EML5: variants seen among roughly 807,000 people sequenced by gnomAD.
EML5 encodes the protein EMAP like 5.
A neutral mutation model predicts 250.0 loss-of-function variants in EML5; 120 were observed. That is an observed-to-expected ratio of 0.48 (90% CI 0.41 to 0.56). EML5 has a LOEUF of 0.56. EML5 is among the 20% of genes least tolerant of loss of function. The pLI is 0.00. For missense variants in EML5, 2,006 were observed against 2,437.6 expected (o/e 0.82, Z 3.73); for synonymous variants, 771 against 806.5 (o/e 0.96, Z 0.75).
chr14:88,740,703 A>G, intron 4 of EML5, 131 bp from the exon 5 acceptor site: 1 of 744,474 alleles, frequency 1.3e-6, no homozygotes, highest in Non-Finnish European at 2.1e-6. Context: ...ATGATAAAAT[A>G]GCATTCAATG....
At chr14:88,784,337 A>G (rs1476465143) in intron 1 of EML5, among the ~76,000 whole-genome samples, 1 of 152,156 alleles carries the variant, frequency 6.6e-6, no homozygotes, top group Admixed American at 6.5e-5. Context: ...CCAATACAAA[A>G]TTTCAAGGAA....
At chr14:88,654,016 G>T (rs985346205) in intron 27 of EML5, among the ~76,000 whole-genome samples, 1 of 151,836 alleles carries the variant, frequency 6.6e-6, no homozygotes, top group Non-Finnish European at 1.5e-5. Flanking sequence ...GTCTTGGGAG[G>T]GTGTATGTGT....
intron 29 of EML5, among the ~76,000 whole-genome samples, chr14:88,646,273 G>A (rs1403352216): frequency 6.6e-6 from 1 of 152,132 alleles, no homozygotes; most frequent in Non-Finnish European, 1.5e-5. Flanking sequence ...AGAAATGAAT[G>A]GGATGTTGAT....
At chr14:88,685,601 A>G (rs536420462) in intron 19 of EML5, among the ~76,000 whole-genome samples, 44 of 152,080 alleles carry the variant, frequency 2.9e-4, no homozygotes, top group Non-Finnish European at 5.1e-4. Context: ...CATATAACCC[A>G]CATACATCAT....
chr14:88,779,165 G>A lies in EML5; in HGVS notation c.197+13142C>T, dbSNP rs547267655. On this transcript the variant is annotated intron_variant, in intron 1 of 43. Transcript: ENST00000554922. The stretch of plus-strand genomic sequence containing the variant: ...TGATGGGTATGAAAAATATACCTTC[G>A]TTATTAAGCAATCCAGGTTTTGGGG... Among the ~76,000 whole-genome samples, 58 of 151,906 alleles carry A rather than the reference G, an allele frequency of 3.8e-4. 1 individual carries two copies. Among genetic ancestry groups the A allele is most frequent in the African/African-American group, 1.1e-3 (44 of 41,468 alleles).
At chr14:88,696,549 C>G (rs368470651) in intron 15 of EML5, among the ~76,000 whole-genome samples, 20 of 152,208 alleles carry the variant, frequency 1.3e-4, no homozygotes, top group African/African-American at 4.6e-4. Flanking sequence ...GTGGGAGATG[C>G]AAACCACCTG....
chr14:88,711,048 T>C (rs889864046), intron 10 of EML5, among the ~76,000 whole-genome samples: 1 of 152,166 alleles, frequency 6.6e-6, no homozygotes, highest in Non-Finnish European at 1.5e-5. Flanking sequence ...GAGCAACGTC[T>C]AAGAGGAAGA....
At chr14:88,642,835 G>A in intron 31 of EML5, 58 bp downstream of exon 31, 1 of 1,517,580 alleles carries the variant, frequency 6.6e-7, no homozygotes, top group South Asian at 1.3e-5. Context: ...TAAGCTGCTA[G>A]ATCAAAATTT....
At chr14:88,669,446 C>T (rs561516408) in intron 21 of EML5, among the ~76,000 whole-genome samples, 1 of 152,290 alleles carries the variant, frequency 6.6e-6, no homozygotes, top group South Asian at 2.1e-4. Context: ...AGGAATTCAC[C>T]ACAGTGCAGC....
At chr14:88,757,919 C>G (rs1266667867) in intron 1 of EML5, among the ~76,000 whole-genome samples, 1 of 151,906 alleles carries the variant, frequency 6.6e-6, no homozygotes, top group Non-Finnish European at 1.5e-5. Context: ...GACACAATCA[C>G]CACTCACTGC....
chr14:88,638,149 A>C (rs1000703967), intron 32 of EML5, among the ~76,000 whole-genome samples: 1 of 152,252 alleles, frequency 6.6e-6, no homozygotes, highest in Non-Finnish European at 1.5e-5. Flanking sequence ...GAAGTTTATG[A>C]AACTTCTGCC....
rs2093834622 is a variant in EML5, at chr14:88,736,032, C to T, written c.1049+332G>A. Among the ~76,000 whole-genome samples, 3 of 139,120 alleles carry T rather than the reference C, an allele frequency of 2.2e-5. No homozygotes were observed. In the South Asian group the frequency reaches 6.7e-4, roughly 31 times the overall value. The allele number at this position is 139,120 out of a possible 152,430, so 91.3% of individuals were successfully genotyped here. On this transcript the variant is annotated intron_variant, in intron 7 of 43. Transcript: ENST00000554922. ...TTTTTTTTTTTTTGAGATGGAGTCT[C>T]ACTCTGTTGCCAGGCTGGAATGCAG... is the stretch of plus-strand genomic sequence containing the variant.
chr14:88,617,132 C>CT (rs2087761133), intron 41 of EML5: 1 of 299,638 alleles, frequency 3.3e-6, no homozygotes, highest in Admixed American at 4.6e-5. Flanking sequence ...TTTATGAAAA[C>CT]TGATAGAACT....
intron 21 of EML5, among the ~76,000 whole-genome samples, chr14:88,669,118 T>C (rs960042459): frequency 6.6e-6 from 1 of 152,196 alleles, no homozygotes; most frequent in Non-Finnish European, 1.5e-5. Context: ...CAGTGAGTGA[T>C]TGTGCTATCC....
intron 8 of EML5, among the ~76,000 whole-genome samples, chr14:88,719,318 C>G (rs8007084): frequency 0.64 from 97,461 of 152,004 alleles, 33,300 homozygotes; most frequent in East Asian, 0.94. Context: ...CCCAGGAGTT[C>G]GAGGCTGCAG....
chr14:88,671,014 A>G (rs1695839310), intron 21 of EML5, among the ~76,000 whole-genome samples: 1 of 152,194 alleles, frequency 6.6e-6, no homozygotes, highest in South Asian at 2.1e-4. Context: ...AACTTCCCCA[A>G]CCTAACAAGA....
At position 88,630,799 on chromosome 14, in the gene EML5, ACTCCAATTG is replaced by A. The variant is rs1435348523; in HGVS notation, c.4358-2989_4358-2981del. 2.0e-5 allele frequency among the ~76,000 whole-genome samples: 3 copies of A among 152,230 alleles called. No homozygotes were observed. In the East Asian group the frequency reaches 5.8e-4, roughly 29 times the overall value. ...CTGGATAACAGCAAGGAAGCACATA[ACTCCAATTG>A]CTACTGCAGCCATTTTCATGACCAC... On this transcript the variant is annotated intron_variant, in intron 33 of 43. Coordinates refer to ENST00000554922, the MANE Select transcript of EML5 (RefSeq NM_183387.3).
chr14:88,703,411 GT>G (rs1181106868), intron 13 of EML5, among the ~76,000 whole-genome samples: 1 of 151,968 alleles, frequency 6.6e-6, no homozygotes, highest in Non-Finnish European at 1.5e-5. Flanking sequence ...AGAATACAAC[GT>G]ATATTCCAAA....
chr14:88,748,588 T>G (rs971504918), intron 2 of EML5, among the ~76,000 whole-genome samples: 3 of 152,156 alleles, frequency 2.0e-5, no homozygotes, highest in Non-Finnish European at 4.4e-5. Context: ...ATTACAGGTA[T>G]GTGAAGAAAC....
Sources: allele counts gnomAD v4.1 joint callset (sites outside exome capture counted in the v4.1 genomes callset), GRCh38; gene constraint gnomAD v4.1.1; transcripts MANE v1.5; gene names NCBI Gene and HGNC (gene_info 2026-07-23, HGNC 2026-07-21).